CELSR1: variants seen among roughly 807,000 people sequenced by gnomAD.
The protein encoded by CELSR1 is cadherin EGF LAG seven-pass G-type receptor 1, also known as adhesion G protein-coupled receptor C1.
A neutral mutation model predicts 249.1 loss-of-function variants in CELSR1; 110 were observed. The observed-to-expected ratio is 0.44, with a 90% CI of 0.38 to 0.52. The LOEUF (loss-of-function observed/expected upper bound fraction) is 0.52. Ranked by LOEUF, CELSR1 falls within the 20% of genes least tolerant of loss-of-function variation. The probability of loss-of-function intolerance (pLI) is 0.00; values close to 1 mark genes in which losing one functional copy is unlikely to be tolerated. For missense variants in CELSR1, 4,109 were observed against 4,296.4 expected (o/e 0.96, Z 1.22); for synonymous variants, 2,113 against 1,900.0 (o/e 1.11, Z -2.92).
intron 23 of CELSR1, 63 bp downstream of exon 23, chr22:46,378,528 G>T (rs1424338393): frequency 1.3e-6 from 2 of 1,508,564 alleles, no homozygotes; most frequent in Non-Finnish European, 1.8e-6. Context: ...GTGCAGGTTT[G>T]GGGGGGAGGG....
intron 1 of CELSR1, among the ~76,000 whole-genome samples, chr22:46,478,516 C>T (rs1020982297): frequency 6.6e-6 from 1 of 152,010 alleles, no homozygotes; most frequent in Non-Finnish European, 1.5e-5. Context: ...ACTGCCAGCC[C>T]AAGAGAGCTG....
intron 1 of CELSR1, among the ~76,000 whole-genome samples, chr22:46,469,648 T>C (rs913380845): frequency 6.6e-6 from 1 of 151,942 alleles, no homozygotes; most frequent in Non-Finnish European, 1.5e-5. Flanking sequence ...CCCAAGTAGC[T>C]GGGATTACAG....
chr22:46,381,780 G>A lies in CELSR1; in HGVS notation c.7088+66C>T, dbSNP rs1242375351. On this transcript the variant is annotated intron_variant, in intron 21 of 34. Transcript: ENST00000674500. This position sits in a 1 kb window ranked among gnomAD's most constrained non-coding sequence, Gnocchi z 6.0. ...TGTGCTTGATCAGGATCAGGATTTT[G>A]ACCTGTGGAAGCCTCAGGAGCCTCC... 3 of 1,396,254 alleles carry A rather than the reference G, an allele frequency of 2.1e-6. No homozygotes were observed. The Admixed American group carries it at 6.6e-5, about 31-fold the overall frequency. 86.5% of individuals were successfully genotyped at this position (1,396,254 alleles called of 1,614,324 possible). A position where few individuals can be genotyped will look rare whatever the true frequency, so the allele number is the denominator to read the frequency against.
chr22:46,363,275 G>GT lies in CELSR1; in HGVS notation c.9036-29_9036-28insA. 6.2e-7 allele frequency: 1 copy of GT among 1,600,744 alleles called. No homozygotes were observed. Among genetic ancestry groups the GT allele is most frequent in the Non-Finnish European group, 8.6e-7 (1 of 1,169,256 alleles). ...GCGCGTGGGAAGAAGCCAGCAAGCA[G>GT]GTGAAGGGTCAGTGAGGGTAGCGGC... On this transcript the variant is annotated intron_variant, in intron 34 of 34. Coordinates refer to ENST00000674500, the MANE Select transcript of CELSR1 (RefSeq NM_001378328.1). The surrounding 1 kb of genome is among the most constrained non-coding windows in gnomAD (Gnocchi z 4.3).
intron 1 of CELSR1, among the ~76,000 whole-genome samples, chr22:46,502,314 G>A (rs138684431): frequency 7.5e-6 from 1 of 133,480 alleles, no homozygotes; most frequent in African/African-American, 2.9e-5. Flanking sequence ...GGGAGGAAGA[G>A]GGGAGGAAGA....
At chr22:46,487,408 C>T (rs987247123) in intron 1 of CELSR1, among the ~76,000 whole-genome samples, 1 of 148,176 alleles carries the variant, frequency 6.7e-6, no homozygotes, top group Non-Finnish European at 1.5e-5. Flanking sequence ...CAAACATTTG[C>T]GGGCCCTGTG....
intron 1 of CELSR1, among the ~76,000 whole-genome samples, chr22:46,494,080 A>C (rs1369874673): frequency 1.3e-5 from 2 of 152,210 alleles, no homozygotes; most frequent in East Asian, 3.8e-4. Context: ...GCGGAGGACA[A>C]TTCAGCTCTA....
rs188919709 is a variant in CELSR1, at chr22:46,477,549, C to T, written c.3545-13204G>A. Among the ~76,000 whole-genome samples, 699 of 132,624 alleles carry T rather than the reference C, an allele frequency of 5.3e-3. 5 individuals carry two copies. Among genetic ancestry groups the T allele is most frequent in the Middle Eastern group, 0.041 (8 of 194 alleles). The allele number at this position is 132,624 out of a possible 152,430, so 87.0% of individuals were successfully genotyped here. A position where few individuals can be genotyped will look rare whatever the true frequency, so the allele number is the denominator to read the frequency against. On this transcript the variant is annotated intron_variant, in intron 1 of 34. Coordinates refer to ENST00000674500, the MANE Select transcript of CELSR1 (RefSeq NM_001378328.1). Reference sequence around the variant, plus strand: ...TTTTTGAGACGGAGTCTTGCTCTGTCACCAGGCTGGAGTGCAGTGGCACAA... The same window carrying T: ...TTTTTGAGACGGAGTCTTGCTCTGTTACCAGGCTGGAGTGCAGTGGCACAA...
chr22:46,431,090 C>A (rs987046340), intron 5 of CELSR1, among the ~76,000 whole-genome samples: 1 of 152,238 alleles, frequency 6.6e-6, no homozygotes, highest in African/African-American at 2.4e-5. Context: ...GCTGACAGGA[C>A]CCGGCCCTAG....
rs1289545422 is a variant in CELSR1, at chr22:46,381,212, A to C, written c.7089-257T>G. Among the ~76,000 whole-genome samples the C allele has an allele frequency of 6.6e-6, 1 of 152,220 alleles. No individual in the cohort carries two copies. Among genetic ancestry groups the C allele is most frequent in the East Asian group, 1.9e-4 (1 of 5,196 alleles). ...AAATTTAAAAAGAAAGAGAAGGCAC[A>C]GGTGCAAAGATGTCACAGCCCATAA... On this transcript the variant is annotated intron_variant, in intron 21 of 34. Coordinates refer to ENST00000674500, the MANE Select transcript of CELSR1 (RefSeq NM_001378328.1). The surrounding 1 kb of genome is among the most constrained non-coding windows in gnomAD (Gnocchi z 6.0).
chr22:46,524,539 TGC>T (rs201822212), intron 1 of CELSR1, among the ~76,000 whole-genome samples: 4 of 71,352 alleles, frequency 5.6e-5, no homozygotes, highest in Non-Finnish European at 1.1e-4. Flanking sequence ...CCCCGTTGTG[TGC>T]GTGTGTGTGT....
chr22:46,480,061 A>G (rs2080251222), intron 1 of CELSR1, among the ~76,000 whole-genome samples: 1 of 152,188 alleles, frequency 6.6e-6, no homozygotes, highest in Admixed American at 6.5e-5. Context: ...TGTTATAATC[A>G]AGTAGCCAAA....
At chr22:46,493,954 C>T (rs572564099) in intron 1 of CELSR1, among the ~76,000 whole-genome samples, 24 of 152,100 alleles carry the variant, frequency 1.6e-4, no homozygotes, top group African/African-American at 5.1e-4. Context: ...CTTACTTCTC[C>T]GAGTAAGATG....
intron 1 of CELSR1, among the ~76,000 whole-genome samples, chr22:46,521,307 T>A (rs2080682621): frequency 6.6e-6 from 1 of 152,066 alleles, no homozygotes; most frequent in East Asian, 1.9e-4. Flanking sequence ...ATCGAGACCA[T>A]CCTGCCTAAC....
rs2079755391 is a variant in CELSR1 at position 46,441,966 on chromosome 22, T to A, written c.4184-2555A>T. Among the ~76,000 whole-genome samples the A allele has an allele frequency of 6.6e-6, 1 of 152,122 alleles. No individual in the cohort carries two copies. Among genetic ancestry groups the A allele is most frequent in the Non-Finnish European group, 1.5e-5 (1 of 68,026 alleles). On this transcript the variant is annotated intron_variant, in intron 2 of 34. Transcript: ENST00000674500. This position sits in a 1 kb window ranked among gnomAD's most constrained non-coding sequence, Gnocchi z 6.1. ...GAGTTCAAGACCAGCCTAACCAACA[T>A]GGTGAAACCTCATCTCTACTAAAAA...
rs2079134675 is a variant in CELSR1 at position 46,395,175 on chromosome 22, A to G, written c.5844-913T>C. 6.7e-6 allele frequency among the ~76,000 whole-genome samples: 1 copy of G among 149,740 alleles called. No homozygotes were observed. The highest frequency in any genetic ancestry group is 1.5e-5 in the Non-Finnish European group (1 of 67,328). ...CTGGCGTTTATGGATGTGTGTGTGC[A>G]GCGTGGGGGCCCCAGAACCTTCATC... On this transcript the variant is annotated intron_variant, in intron 13 of 34. Coordinates refer to ENST00000674500, the MANE Select transcript of CELSR1 (RefSeq NM_001378328.1). The surrounding 1 kb of genome is among the most constrained non-coding windows in gnomAD (Gnocchi z 5.5).
Position 46,361,545 on chromosome 22 carries a change from A to T in CELSR1, c.*1678T>A, listed in dbSNP as rs2078704642. 1 of 152,188 alleles carries T rather than the reference A, an allele frequency of 6.6e-6. No individual in the cohort carries two copies. Among genetic ancestry groups the T allele is most frequent in the Non-Finnish European group, 1.5e-5 (1 of 68,024 alleles). The allele number at this position is 152,188 out of a possible 1,614,324, so 9.4% of individuals were successfully genotyped here. On this transcript the variant is annotated 3_prime_UTR_variant, in exon 35 of 35. Transcript: ENST00000674500. The stretch of plus-strand genomic sequence containing the variant: ...AGGGGCAAACGTTTAAAGGGACTAG[A>T]GTTTTTTATCTTCGAAAGACCACTC...
chr22:46,469,461 A>G (rs2147613185), intron 1 of CELSR1, among the ~76,000 whole-genome samples: 1 of 151,864 alleles, frequency 6.6e-6, no homozygotes, highest in African/African-American at 2.4e-5. Context: ...CCACATCCCA[A>G]CTTCAGTTCT....
At chr22:46,371,342 A>AC (rs1256006163) in intron 25 of CELSR1, among the ~76,000 whole-genome samples, 10 of 151,432 alleles carry the variant, frequency 6.6e-5, no homozygotes, top group African/African-American at 1.2e-4. Context: ...TGGGAGCAAC[A>AC]CCCCCCCACC....
Sources: allele counts gnomAD v4.1 joint callset (sites outside exome capture counted in the v4.1 genomes callset), GRCh38; gene constraint gnomAD v4.1.1; non-coding constraint Gnocchi (gnomAD v3.1); transcripts MANE v1.5; gene names NCBI Gene and HGNC (gene_info 2026-07-23, HGNC 2026-07-21).